Variants in ZNF791 observed in about 807,000 individuals in gnomAD.
ZNF791 encodes zinc finger protein 791.
In ZNF791, 4 loss-of-function variants were observed where a neutral mutation model predicts 11.5. The observed-to-expected ratio is 0.35, with a 90% CI of 0.17 to 0.80. The LOEUF (loss-of-function observed/expected upper bound fraction) is 0.80. ZNF791 is among the 30% of genes least tolerant of loss of function. ZNF791 has a pLI of 0.53. For synonymous variants in ZNF791, 212 were observed against 228.1 expected (o/e 0.93, Z 0.64); for missense variants, 559 against 699.4 (o/e 0.80, Z 2.26).
At chr19:12,619,854 G>GTT (rs66853581) in intron 1 of ZNF791, among the ~76,000 whole-genome samples, 8 of 149,882 alleles carry the variant, frequency 5.3e-5, no homozygotes, top group Non-Finnish European at 7.4e-5. Flanking sequence ...TTTTTTTTCT[G>GTT]TTTTTTTTTC....
intron 1 of ZNF791, among the ~76,000 whole-genome samples, chr19:12,620,754 C>CTTTGTTTTTTTTTTTTTTTT (rs2023327775): frequency 1.2e-5 from 1 of 83,446 alleles, no homozygotes; most frequent in African/African-American, 5.4e-5. Flanking sequence ...GATTTATGTT[C>CTTTGTTTTTTTTTTTTTTTT]TTTTTTTTTT....
At position 12,628,836 on chromosome 19, in the gene ZNF791, G is replaced by T; in HGVS notation, c.1307G>T (p.Gly436Val). Residue 436 changes from glycine (G) to valine (V), a missense_variant, in exon 4 of 4, where the codon GGA becomes GTA. Transcript: ENST00000343325. ...NFRRHMITHT[G>V]DGPYKCRDCG... ...CGAAGACACATGATCACCCACACTG[G>T]AGACGGACCTTATAAATGTAGGGAC... The T allele has an allele frequency of 6.2e-7, 1 of 1,613,946 alleles. No homozygotes were observed. The highest frequency in any genetic ancestry group is 2.2e-5 in the East Asian group (1 of 44,858).
intron 1 of ZNF791, among the ~76,000 whole-genome samples, chr19:12,619,365 TAAAA>T (rs947611047): frequency 4.0e-5 from 6 of 151,888 alleles, no homozygotes; most frequent in East Asian, 1.9e-4. Context: ...TTTACAAACT[TAAAA>T]AAAGTGGTGG....
chr19:12,613,951 G>T lies in ZNF791; in HGVS notation c.3+2869G>T, dbSNP rs138484729. Among the ~76,000 whole-genome samples, 320 of 152,278 alleles carry T rather than the reference G, an allele frequency of 2.1e-3. 1 individual carries two copies. Among genetic ancestry groups the T allele is most frequent in the African/African-American group, 7.3e-3 (302 of 41,548 alleles). On this transcript the variant is annotated intron_variant, in intron 1 of 3. Transcript: ENST00000343325. ...TTTTGAGTTTCACTTCCGTAATATA[G>T]GTGTACTGGGTGTAATTGGTGCATA...
intron 3 of ZNF791, among the ~76,000 whole-genome samples, chr19:12,625,641 C>T (rs1271006514): frequency 1.3e-5 from 2 of 149,462 alleles, no homozygotes; most frequent in Admixed American, 6.7e-5. Context: ...AAAAATTAGC[C>T]GGGTGTGGTG....
At chr19:12,613,485 G>T (rs2023193725) in intron 1 of ZNF791, among the ~76,000 whole-genome samples, 1 of 152,212 alleles carries the variant, frequency 6.6e-6, no homozygotes, top group Non-Finnish European at 1.5e-5. Flanking sequence ...GGAGGCTGAG[G>T]CAGGAGAATG....
At chr19:12,615,734 G>T (rs1225274622) in intron 1 of ZNF791, among the ~76,000 whole-genome samples, 1 of 148,952 alleles carries the variant, frequency 6.7e-6, no homozygotes, top group African/African-American at 2.5e-5. Context: ...AGCCGAGATA[G>T]TGCCATTGCA....
At position 12,628,130 on chromosome 19, in the gene ZNF791, A is replaced by G. The variant is rs1281832284; in HGVS notation, c.601A>G (p.Ser201Gly). The G allele has an allele frequency of 1.2e-6, 2 of 1,614,192 alleles. No homozygotes were observed. The highest frequency in any genetic ancestry group is 2.2e-5 in the South Asian group (2 of 91,074). The change falls in exon 4 of 4, where the codon AGT becomes GGT. Residue 201 changes from serine (S) to glycine (G), a missense_variant. Ser to Gly is a moderately conservative substitution (Grantham distance 56). Coordinates refer to ENST00000343325, the MANE Select transcript of ZNF791 (RefSeq NM_153358.3). ...KQCGKALSCS[S>G]SLRVHERIHT... ...ATGTGGAAAAGCTCTTAGTTGTTCC[A>G]GTTCGCTTCGAGTTCATGAAAGGAT...
intron 1 of ZNF791, among the ~76,000 whole-genome samples, chr19:12,618,391 G>A (rs886559636): frequency 2.0e-5 from 3 of 152,106 alleles, no homozygotes; most frequent in Admixed American, 6.6e-5. Context: ...CACACCTGTA[G>A]TCCCAGCTAC....
In ZNF791 at chr19:12,631,961, G is replaced by C. The variant is rs921718323; in HGVS notation, c.*2701G>C. The C allele has an allele frequency of 2.0e-5, 3 of 149,776 alleles. No homozygotes were observed. The highest frequency in any genetic ancestry group is 7.6e-5 in the African/African-American group (3 of 39,730). 9.3% of individuals were successfully genotyped at this position (149,776 alleles called of 1,614,324 possible). A position where few individuals can be genotyped will look rare whatever the true frequency, so the allele number is the denominator to read the frequency against. On this transcript the variant is annotated 3_prime_UTR_variant, in exon 4 of 4. Transcript: ENST00000343325. ...TGTCTTGATTCATGAGTAAACTGAA[G>C]TGTATTTTTTTTTTTTCGAGACGGA...
intron 1 of ZNF791, among the ~76,000 whole-genome samples, chr19:12,619,482 A>C (rs150868265): frequency 0.61 from 80,854 of 132,620 alleles, 25,549 homozygotes; most frequent in Non-Finnish European, 0.72. Context: ...CGGAGTCTCG[A>C]TTTGTCTCCC....
At position 12,629,192 on chromosome 19, in the gene ZNF791, A is replaced by C. The variant is rs2023469040; in HGVS notation, c.1663A>C (p.Lys555Gln). Residue 555 changes from lysine to glutamine, a missense_variant, in exon 4 of 4, where the codon AAG becomes CAG. Physicochemically the swap from Lys to Gln is moderately conservative, Grantham distance 53. Coordinates refer to ENST00000343325, the MANE Select transcript of ZNF791 (RefSeq NM_153358.3). ...IHNYEKPLECKQCGKAFSVST... is the reference protein window; with the variant it reads ...IHNYEKPLECQQCGKAFSVST... The stretch of plus-strand genomic sequence containing the variant: ...CAATTATGAGAAACCTCTTGAATGT[A>C]AGCAATGTGGAAAAGCCTTCAGTGT... 6.3e-7 allele frequency: 1 copy of C among 1,575,334 alleles called. No individual in the cohort carries two copies. The highest frequency in any genetic ancestry group is 1.4e-5 in the African/African-American group (1 of 73,040).
intron 1 of ZNF791, 57 bp from the exon 2 acceptor site, chr19:12,623,643 G>A: frequency 1.2e-6 from 2 of 1,606,022 alleles, no homozygotes. Flanking sequence ...TATGAATTGA[G>A]GATACCTCTC....
intron 3 of ZNF791, among the ~76,000 whole-genome samples, chr19:12,626,173 T>C (rs772888826): frequency 1.3e-5 from 2 of 152,114 alleles, no homozygotes; most frequent in Non-Finnish European, 2.9e-5. Context: ...TGCATCACCA[T>C]GCCCGGCTAA....
At chr19:12,621,714 C>CGGGCG (rs1028468268) in intron 1 of ZNF791, among the ~76,000 whole-genome samples, 140 of 74,588 alleles carry the variant, frequency 1.9e-3, no homozygotes, top group Middle Eastern at 7.0e-3. Context: ...ACCTCCACCT[C>CGGGCG]GGTGGGGGGT....
In ZNF791 at chr19:12,627,750, G is replaced by A. The variant is rs2023449758; in HGVS notation, c.221G>A (p.Gly74Asp). 1.2e-6 allele frequency: 2 copies of A among 1,613,764 alleles called. No homozygotes were observed. Among genetic ancestry groups the A allele is most frequent in the Non-Finnish European group, 1.7e-6 (2 of 1,179,674 alleles). The change falls in exon 4 of 4, where the codon GGT becomes GAT. Residue 74 changes from glycine (G) to aspartate (D), a missense_variant. Gly to Asp is a moderately conservative substitution (Grantham distance 94). Transcript: ENST00000343325. ...RSHTGERLCE[G>D]KEGSQCAENF... Reference sequence around the variant, plus strand: ...CATACGGGAGAGAGACTCTGTGAAGGTAAAGAAGGTAGTCAATGTGCAGAA... The same window carrying A: ...CATACGGGAGAGAGACTCTGTGAAGATAAAGAAGGTAGTCAATGTGCAGAA...
chr19:12,625,991 C>G (rs781156408), intron 3 of ZNF791, among the ~76,000 whole-genome samples: 12 of 150,584 alleles, frequency 8.0e-5, no homozygotes, highest in African/African-American at 2.4e-4. Flanking sequence ...ATTATAAGCG[C>G]GCACTACTAT....
intron 1 of ZNF791, among the ~76,000 whole-genome samples, chr19:12,614,918 T>TTTTTTTTTTG (rs2023221195): frequency 7.3e-6 from 1 of 136,256 alleles, no homozygotes; most frequent in Non-Finnish European, 1.5e-5. Context: ...TTTTTTTTTT[T>TTTTTTTTTTG]TTTTTTTTTG....
intron 2 of ZNF791, among the ~76,000 whole-genome samples, 178 bp from the exon 3 acceptor site, chr19:12,624,472 G>A (rs2023398685): frequency 6.6e-6 from 1 of 151,902 alleles, no homozygotes; most frequent in African/African-American, 2.4e-5. Context: ...TTTTCATATC[G>A]TCAGTTAGAG....
Sources: allele counts gnomAD v4.1 joint callset (sites outside exome capture counted in the v4.1 genomes callset), GRCh38; gene constraint gnomAD v4.1.1; transcripts MANE v1.5; gene names NCBI Gene and HGNC (gene_info 2026-07-23, HGNC 2026-07-21).